SCHIP1: variants seen among roughly 807,000 people sequenced by gnomAD.
SCHIP1 encodes the protein schwannomin interacting protein 1.
SCHIP1 carries 8 observed loss-of-function variants against 29.7 expected under a neutral mutation model. That is an observed-to-expected ratio of 0.27 (90% CI 0.16 to 0.49). The LOEUF is 0.49. SCHIP1 is among the 20% of genes least tolerant of loss of function. The pLI is 0.99. For missense variants in SCHIP1, 193 were observed against 294.6 expected (o/e 0.66, Z 2.52); for synonymous variants, 76 against 94.9 (o/e 0.80, Z 1.16).
chr3:159,521,951 A>G, the SCHIP1 span, among the ~76,000 whole-genome samples: 11 of 152,224 alleles, frequency 7.2e-5, no homozygotes, highest in Non-Finnish European at 1.6e-4. Flanking sequence ...AATTTAATTC[A>G]ACCTCAAACT....
the SCHIP1 span, among the ~76,000 whole-genome samples, chr3:159,746,504 C>G: frequency 1.3e-5 from 2 of 152,114 alleles, no homozygotes; most frequent in East Asian, 3.8e-4. Context: ...TGCTGACTGT[C>G]TGGCACTCTG....
chr3:159,819,692 TG>T, the SCHIP1 span, among the ~76,000 whole-genome samples: 5 of 152,226 alleles, frequency 3.3e-5, no homozygotes, highest in Admixed American at 1.3e-4. Context: ...AAGGAATTTA[TG>T]GGGACTGGAA....
At chr3:159,513,156 T>A in the SCHIP1 span, among the ~76,000 whole-genome samples, 11,520 of 152,256 alleles carry the variant, frequency 0.076, 1,399 homozygotes, top group African/African-American at 0.26. Context: ...TTACATTTTT[T>A]AAATATTCAT....
chr3:159,501,878 C>G, the SCHIP1 span, among the ~76,000 whole-genome samples: 4 of 152,114 alleles, frequency 2.6e-5, no homozygotes. Context: ...CATGAGTTCC[C>G]ATTTTACAGA....
At chr3:159,797,749 A>G in the SCHIP1 span, among the ~76,000 whole-genome samples, 1 of 152,054 alleles carries the variant, frequency 6.6e-6, no homozygotes, top group African/African-American at 2.4e-5. Flanking sequence ...ATTTTTTTGT[A>G]TTTTTAGTAG....
At chr3:159,725,227 TGA>T in the SCHIP1 span, among the ~76,000 whole-genome samples, 7 of 151,042 alleles carry the variant, frequency 4.6e-5, no homozygotes, top group Non-Finnish European at 4.4e-5. Context: ...CTTGGGAAGA[TGA>T]GAGAGAGAGA....
the SCHIP1 span, among the ~76,000 whole-genome samples, chr3:159,553,967 C>CGTGTGTGTGTGTGT: frequency 8.6e-5 from 10 of 115,794 alleles, no homozygotes; most frequent in African/African-American, 2.0e-4. Context: ...CGCCCAGCTA[C>CGTGTGTGTGTGTGT]GTGTGTGTGT....
At chr3:159,306,568 C>T in the SCHIP1 span, 1 of 912,674 alleles carries the variant, frequency 1.1e-6, no homozygotes, top group Non-Finnish European at 1.3e-6. Context: ...TACTGAGCGC[C>T]TAAAAATGCT....
chr3:159,373,740 C>A, the SCHIP1 span, among the ~76,000 whole-genome samples: 1 of 152,020 alleles, frequency 6.6e-6, no homozygotes, highest in Non-Finnish European at 1.5e-5. Flanking sequence ...TACAAAATTC[C>A]TTTCTTTTCT....
the SCHIP1 span, among the ~76,000 whole-genome samples, chr3:159,491,324 G>A: frequency 1.3e-5 from 2 of 152,238 alleles, no homozygotes; most frequent in African/African-American, 4.8e-5. Context: ...CACCCAGGAA[G>A]CACAAGGGGT....
the SCHIP1 span, among the ~76,000 whole-genome samples, chr3:159,731,231 G>A: frequency 6.6e-6 from 1 of 152,222 alleles, no homozygotes; most frequent in Non-Finnish European, 1.5e-5. Flanking sequence ...CCACAAAAGT[G>A]ATGACCAAAT....
At chr3:159,281,056 G>A in the SCHIP1 span, among the ~76,000 whole-genome samples, 1 of 152,136 alleles carries the variant, frequency 6.6e-6, no homozygotes, top group Non-Finnish European at 1.5e-5. Context: ...TGGGTGCTTG[G>A]ATGGACCCTA....
chr3:159,750,100 C>A, the SCHIP1 span, among the ~76,000 whole-genome samples: 1 of 151,810 alleles, frequency 6.6e-6, no homozygotes, highest in Non-Finnish European at 1.5e-5. Context: ...CATCACTTCA[C>A]TGAAACTATT....
At chr3:159,408,644 A>G in the SCHIP1 span, among the ~76,000 whole-genome samples, 5 of 152,186 alleles carry the variant, frequency 3.3e-5, no homozygotes, top group Non-Finnish European at 1.5e-5. Flanking sequence ...AGCCATAATA[A>G]AAAGTCTCCC....
chr3:159,548,124 G>A, the SCHIP1 span, among the ~76,000 whole-genome samples: 3,470 of 151,874 alleles, frequency 0.023, 151 homozygotes, highest in African/African-American at 0.081. Context: ...AGTAAGTTTG[G>A]CCAGAAATTA....
At chr3:159,661,811 A>T in the SCHIP1 span, among the ~76,000 whole-genome samples, 1 of 152,150 alleles carries the variant, frequency 6.6e-6, no homozygotes, top group Non-Finnish European at 1.5e-5. Flanking sequence ...TTACTTCCCA[A>T]AGTCAGTGCT....
chr3:159,336,534 A>G, the SCHIP1 span, among the ~76,000 whole-genome samples: 2 of 152,160 alleles, frequency 1.3e-5, no homozygotes, highest in East Asian at 3.9e-4. Context: ...GGTGTAAGGA[A>G]GGGATCCAGT....
At chr3:159,858,007 C>T (rs1312934893) in intron 1 of SCHIP1, among the ~76,000 whole-genome samples, 1 of 152,160 alleles carries the variant, frequency 6.6e-6, no homozygotes, top group African/African-American at 2.4e-5. Flanking sequence ...GTCCATTCTA[C>T]ACAGGAGGTT....
At chr3:159,777,989 A>AT in the SCHIP1 span, among the ~76,000 whole-genome samples, 15,291 of 147,100 alleles carry the variant, frequency 0.1, 948 homozygotes, top group Non-Finnish European at 0.15. Context: ...AACAGGAAAC[A>AT]TTTTTTTTTT....
Sources: gnomAD v4.1 joint callset for allele counts (sites outside exome capture counted in the v4.1 genomes callset) on GRCh38, gnomAD v4.1.1 for gene constraint, MANE v1.5 for transcripts, NCBI Gene and HGNC (gene_info 2026-07-23, HGNC 2026-07-21) for gene names.